The following CCDC18 variants were observed in gnomAD, a reference collection of about 807,000 sequenced individuals.
CCDC18 encodes the protein coiled-coil domain-containing protein 18.
Under a neutral mutation model 196.0 loss-of-function variants are expected in CCDC18, and 157 were observed. That is an observed-to-expected ratio of 0.80 (90% CI 0.70 to 0.91). The LOEUF is 0.91. CCDC18 is among the 40% of genes least tolerant of loss of function. The pLI is 0.00. For synonymous variants in CCDC18, 482 were observed against 529.2 expected (o/e 0.91, Z 1.22); for missense variants, 1,465 against 1,611.6 (o/e 0.91, Z 1.56).
intron 26 of CCDC18, 83 bp from the exon 27 acceptor site, chr1:93,264,614 TAAAA>T: frequency 4.0e-6 from 3 of 741,100 alleles, no homozygotes; most frequent in Non-Finnish European, 6.7e-6. Flanking sequence ...AAAAAGTAAA[TAAAA>T]GTAGAAAGCA....
intron 16 of CCDC18, among the ~76,000 whole-genome samples, chr1:93,222,670 T>C (rs1657635486): frequency 1.3e-5 from 2 of 152,190 alleles, no homozygotes; most frequent in South Asian, 4.1e-4. Flanking sequence ...CTTTGAACTT[T>C]AATTTCTTCA....
chr1:93,230,250 C>G (rs1467354930), intron 17 of CCDC18, among the ~76,000 whole-genome samples: 1 of 151,750 alleles, frequency 6.6e-6, no homozygotes, highest in East Asian at 1.9e-4. Flanking sequence ...GCCTGTAATC[C>G]CAACACTTTG....
At chr1:93,181,230 T>G (rs1173904956) in intron 1 of CCDC18, among the ~76,000 whole-genome samples, 4 of 109,110 alleles carry the variant, frequency 3.7e-5, no homozygotes, top group Non-Finnish European at 6.8e-5. Flanking sequence ...TTCAGACGGA[T>G]GTAAGATTAG....
intron 16 of CCDC18, among the ~76,000 whole-genome samples, chr1:93,224,526 A>G (rs1404631352): frequency 1.3e-5 from 2 of 152,254 alleles, no homozygotes; most frequent in Non-Finnish European, 2.9e-5. Flanking sequence ...TTTGAAGAGT[A>G]TCTAGCCATG....
In CCDC18 at chr1:93,226,367, A is replaced by T. The variant is rs1334782411; in HGVS notation, c.2210A>T (p.Lys737Met). Residue 737 changes from lysine (K) to methionine (M), a missense_variant, in exon 17 of 29, where the codon AAG becomes ATG. Transcript: ENST00000690025. ...RQLDSALEIC[K>M]EELVLHLNQL... ...CTAGATTCAGCATTGGAAATTTGTA[A>T]GGAAGAACTTGTCTTGCATTTGAAT... The T allele has an allele frequency of 1.3e-6, 2 of 1,591,150 alleles. No individual in the cohort carries two copies. Among genetic ancestry groups the T allele is most frequent in the South Asian group, 2.2e-5 (2 of 88,902 alleles).
At chr1:93,238,829 T>A (rs1028620427) in intron 19 of CCDC18, among the ~76,000 whole-genome samples, 22 of 152,160 alleles carry the variant, frequency 1.4e-4, no homozygotes, top group African/African-American at 5.3e-4. Context: ...AGCAGGGAAG[T>A]TGCACTAGTC....
chr1:93,232,685 G>A, intron 18 of CCDC18, 92 bp downstream of exon 18: 1 of 1,015,470 alleles, frequency 9.8e-7, no homozygotes, highest in East Asian at 2.7e-5. Context: ...TTAAATTGCT[G>A]TTTGGCCAGA....
chr1:93,212,198 CA>C lies in CCDC18; in HGVS notation c.1434del (p.Glu479LysfsTer5), dbSNP rs1457239345. 1 of 1,609,892 alleles carries C rather than the reference CA, an allele frequency of 6.2e-7. No homozygotes were observed. Among genetic ancestry groups the C allele is most frequent in the South Asian group, 1.1e-5 (1 of 89,872 alleles). The stretch of plus-strand genomic sequence containing the variant: ...GAGTCTTATTACTTGTAATGACAGC[CA>C]AGAAAGTAGCAAATTAAGTAGTTTA... ...SQSLITCNDSQESSKLSSLET... is the reference protein window; with the variant it reads ...SQSLITCNDSXESSKLSSLET... On this transcript the variant is annotated frameshift_variant, in exon 11 of 29. Coordinates refer to ENST00000690025, the MANE Select transcript of CCDC18 (RefSeq NM_001378204.1). LOFTEE classifies it high-confidence loss of function.
chr1:93,198,055 C>G (rs1225140424), intron 6 of CCDC18, among the ~76,000 whole-genome samples: 2 of 152,056 alleles, frequency 1.3e-5, no homozygotes, highest in African/African-American at 4.8e-5. Flanking sequence ...CCGGCCCACT[C>G]TCCTGCATTT....
chr1:93,233,620 C>T (rs867454681), intron 18 of CCDC18, among the ~76,000 whole-genome samples: 30 of 133,028 alleles, frequency 2.3e-4, no homozygotes, highest in East Asian at 1.9e-4. Context: ...TTTTTTGAGA[C>T]GGAGTTTCAC....
Position 93,206,887 on chromosome 1 carries a change from TTTGTGCC to T in CCDC18, c.918-218_918-212del, listed in dbSNP as rs1242665136. 3.9e-5 allele frequency among the ~76,000 whole-genome samples: 6 copies of T among 152,222 alleles called. No homozygotes were observed. In the East Asian group the frequency reaches 1.2e-3, roughly 29 times the overall value. ...GACACTAGGAAAGTTATATAACCTT[TTTGTGCC>T]TCAGTTACCTCATCTGTAAATAAGA... On this transcript the variant is annotated intron_variant, in intron 8 of 28. Transcript: ENST00000690025.
intron 18 of CCDC18, 151 bp downstream of exon 18, chr1:93,232,744 G>A (rs1659440405): frequency 1.7e-6 from 1 of 585,404 alleles, no homozygotes; most frequent in Non-Finnish European, 3.0e-6. Flanking sequence ...GCTGAGGCAG[G>A]CGGATCACCT....
intron 26 of CCDC18, among the ~76,000 whole-genome samples, chr1:93,263,681 C>T (rs553176801): frequency 1.3e-5 from 2 of 152,324 alleles, no homozygotes; most frequent in East Asian, 3.9e-4. Context: ...CAAACTTTCT[C>T]ACATCTTCCT....
chr1:93,196,419 T>C (rs1045034418), intron 6 of CCDC18, among the ~76,000 whole-genome samples: 1 of 152,176 alleles, frequency 6.6e-6, no homozygotes, highest in African/African-American at 2.4e-5. Context: ...AGAATAGACT[T>C]CAGTGCAACA....
At chr1:93,197,498 C>T (rs1380828792) in intron 6 of CCDC18, among the ~76,000 whole-genome samples, 1 of 151,562 alleles carries the variant, frequency 6.6e-6, no homozygotes. Flanking sequence ...AATGAAAAAC[C>T]TGAATAAATA....
In CCDC18 at chr1:93,223,020, A is replaced by C. The variant is rs369405799; in HGVS notation, c.2175+1084A>C. 2.4e-4 allele frequency among the ~76,000 whole-genome samples: 36 copies of C among 152,300 alleles called. No individual in the cohort carries two copies. In the East Asian group the frequency reaches 6.0e-3, roughly 25 times the overall value. On this transcript the variant is annotated intron_variant, in intron 16 of 28. Coordinates refer to ENST00000690025, the MANE Select transcript of CCDC18 (RefSeq NM_001378204.1). ...TGTAGTATTCACCAAAACTCTTAAC[A>C]TTTAATGCAATGTCAGTTCATTTCC...
At chr1:93,271,394 C>T in intron 28 of CCDC18, 2 of 985,028 alleles carry the variant, frequency 2.0e-6, no homozygotes, top group Non-Finnish European at 2.4e-6. Context: ...AGATATATCC[C>T]TCTTCTTTTT....
At chr1:93,212,684 C>A (rs896985055) in intron 11 of CCDC18, among the ~76,000 whole-genome samples, 7 of 152,148 alleles carry the variant, frequency 4.6e-5, no homozygotes, top group African/African-American at 1.7e-4. Flanking sequence ...GACTTTGTAT[C>A]ATTCGTTAAT....
At chr1:93,250,132 C>T (rs923749183) in intron 23 of CCDC18, among the ~76,000 whole-genome samples, 8 of 151,158 alleles carry the variant, frequency 5.3e-5, no homozygotes, top group African/African-American at 1.5e-4. Flanking sequence ...ATTTTGTGGC[C>T]TAACATATTT....
Sources: gnomAD v4.1 joint callset for allele counts (sites outside exome capture counted in the v4.1 genomes callset) on GRCh38, gnomAD v4.1.1 for gene constraint, MANE v1.5 for transcripts, NCBI Gene and HGNC (gene_info 2026-07-23, HGNC 2026-07-21) for gene names.